LINC01488: variants seen among roughly 807,000 people sequenced by gnomAD.
LINC01488 encodes the protein long independently transcribed non-coding RNA 1488, also known as CCND1-upstream intergenic DNA repair 1.
In LINC01488 at chr11:69,482,162, G is replaced by A. The variant is rs552579619; in HGVS notation, n.122+379G>A. On this transcript the variant is annotated intron_variant and non_coding_transcript_variant, in intron 1 of 3. Transcript: ENST00000644563. ...GGGAGGCCTCACAATCATGGCAGAA[G>A]GCAAAAGAGAAGCAAAGGCACATCT... 3.3e-5 allele frequency among the ~76,000 whole-genome samples: 5 copies of A among 152,298 alleles called. No homozygotes were observed. In the South Asian group the frequency reaches 1.0e-3, roughly 32 times the overall value.
chr11:69,490,251 C>T (rs553292223), intron 1 of LINC01488, among the ~76,000 whole-genome samples: 3 of 152,296 alleles, frequency 2.0e-5, no homozygotes, highest in East Asian at 1.9e-4. Flanking sequence ...GGCTTTTGTC[C>T]GAAGCTGCAG....
At chr11:69,490,368 A>G (rs1252336344) in intron 1 of LINC01488, 3 of 152,306 alleles carry the variant, frequency 2.0e-5, no homozygotes, top group African/African-American at 7.2e-5. Flanking sequence ...TGAAAAGTCA[A>G]TGGCTTCCAA....
intron 1 of LINC01488, among the ~76,000 whole-genome samples, chr11:69,482,848 A>C (rs1389436612): frequency 5.3e-5 from 8 of 152,180 alleles, no homozygotes; most frequent in Non-Finnish European, 1.0e-4. Context: ...GCTCGTAGAC[A>C]GCATCTTCTC....
intron 1 of LINC01488, among the ~76,000 whole-genome samples, chr11:69,486,869 G>A (rs1474343438): frequency 2.0e-5 from 3 of 152,144 alleles, no homozygotes; most frequent in Non-Finnish European, 4.4e-5. Context: ...CACTGTCCCC[G>A]AACTGGATCC....
intron 3 of LINC01488, chr11:69,491,561 G>A (rs1191554595): frequency 1.3e-5 from 2 of 152,342 alleles, no homozygotes; most frequent in Non-Finnish European, 2.9e-5. Flanking sequence ...GCTGGGCTGT[G>A]GTCTCCTGCT....
rs1402120616 is a variant in LINC01488 at position 69,485,248 on chromosome 11, G to A, written n.122+3465G>A. ...AGGGTTTTCCCCCAGGAACATGATG[G>A]AGCCAGGAGTTGGACCCAGACCCTT... On this transcript the variant is annotated intron_variant and non_coding_transcript_variant, in intron 1 of 3. Coordinates refer to ENST00000644563, the Ensembl canonical transcript of LINC01488. Among the ~76,000 whole-genome samples, 4 of 152,206 alleles carry A rather than the reference G, an allele frequency of 2.6e-5. No homozygotes were observed. In the East Asian group the frequency reaches 7.7e-4, roughly 29 times the overall value.
chr11:69,482,543 G>A (rs1482272883), intron 1 of LINC01488, among the ~76,000 whole-genome samples: 6 of 141,724 alleles, frequency 4.2e-5, no homozygotes, highest in African/African-American at 1.7e-4. Context: ...TGGATGATGA[G>A]TGGATGGATG....
At chr11:69,490,288 G>A (rs1857199194) in intron 1 of LINC01488, among the ~76,000 whole-genome samples, 1 of 152,198 alleles carries the variant, frequency 6.6e-6, no homozygotes, top group African/African-American at 2.4e-5. Flanking sequence ...CGGTAAGGCT[G>A]GCAGGACTGC....
intron 1 of LINC01488, chr11:69,485,676 C>T (rs1857104279): frequency 6.6e-6 from 1 of 152,322 alleles, no homozygotes; most frequent in Non-Finnish European, 1.5e-5. Context: ...GCTGCCTGGC[C>T]AGCAATGCTG....
intron 1 of LINC01488, chr11:69,485,658 T>C (rs600375): frequency 0.86 from 131,744 of 152,382 alleles, 57,023 homozygotes; most frequent in East Asian, 0.97. Context: ...GCAGACTGAC[T>C]GGCGCCTGCT....
intron 1 of LINC01488, among the ~76,000 whole-genome samples, chr11:69,483,827 C>A (rs1252436514): frequency 6.6e-6 from 1 of 152,132 alleles, no homozygotes; most frequent in South Asian, 2.1e-4. Context: ...CGGGCCGGCC[C>A]GGCTGGCGGG....
At chr11:69,485,929 C>A (rs1303794218) in intron 1 of LINC01488, 2 of 152,338 alleles carry the variant, frequency 1.3e-5, no homozygotes, top group Middle Eastern at 3.4e-3. Context: ...GCCTGCCAGG[C>A]AGGTGTGCGG....
chr11:69,486,585 G>A (rs551036102), intron 1 of LINC01488, among the ~76,000 whole-genome samples: 11 of 152,322 alleles, frequency 7.2e-5, no homozygotes, highest in Non-Finnish European at 1.5e-4. Context: ...AGGAGCAGTC[G>A]CCCTCCCCTC....
chr11:69,487,112 G>A (rs1348494250), intron 1 of LINC01488, among the ~76,000 whole-genome samples: 8 of 152,244 alleles, frequency 5.3e-5, no homozygotes, highest in Non-Finnish European at 7.3e-5. Context: ...TCCCGCAGGC[G>A]GAGTATTTTG....
At chr11:69,484,632 AAGG>A (rs1431579856) in intron 1 of LINC01488, among the ~76,000 whole-genome samples, 2 of 152,208 alleles carry the variant, frequency 1.3e-5, no homozygotes, top group African/African-American at 2.4e-5. Context: ...CAGTTTCTGG[AAGG>A]AGAAGAGGAC....
chr11:69,484,273 C>G (rs375745043), intron 1 of LINC01488, among the ~76,000 whole-genome samples: 13 of 152,260 alleles, frequency 8.5e-5, no homozygotes, highest in African/African-American at 2.6e-4. Flanking sequence ...CAGCGCTGCC[C>G]GGTGAGAGGA....
intron 1 of LINC01488, among the ~76,000 whole-genome samples, chr11:69,486,840 C>T (rs75439414): frequency 0.011 from 1,627 of 152,086 alleles, 5 homozygotes; most frequent in Non-Finnish European, 0.018. Context: ...TGTTGCTGGC[C>T]CTGCTCCTGG....
intron 1 of LINC01488, among the ~76,000 whole-genome samples, chr11:69,487,612 T>C (rs1590870385): frequency 6.6e-6 from 1 of 152,148 alleles, no homozygotes; most frequent in East Asian, 1.9e-4. Flanking sequence ...TGGGCCTCCC[T>C]GTGGCTGATT....
At chr11:69,483,069 A>G (rs77942668) in intron 1 of LINC01488, among the ~76,000 whole-genome samples, 4,313 of 152,280 alleles carry the variant, frequency 0.028, 209 homozygotes, top group African/African-American at 0.098. Flanking sequence ...TCAGCCCATA[A>G]CAGTTAAGCT....
Sources: gnomAD v4.1 joint callset for allele counts (sites outside exome capture counted in the v4.1 genomes callset) on GRCh38, gnomAD v4.1.1 for gene constraint, MANE v1.5 for transcripts, NCBI Gene and HGNC (gene_info 2026-07-23, HGNC 2026-07-21) for gene names.